Variants in SYN3 observed in about 807,000 individuals in gnomAD.
SYN3 encodes the protein synapsin-3.
SYN3 carries 35 observed loss-of-function variants against 65.8 expected under a neutral mutation model. The ratio of observed to expected loss-of-function variants is 0.53; its 90% CI spans 0.41 to 0.70. The LOEUF (loss-of-function observed/expected upper bound fraction) is 0.70. Among genes scored for constraint, SYN3 ranks in the 30% least tolerant of loss-of-function variants. The probability of loss-of-function intolerance (pLI) is 0.00; values close to 1 mark genes in which losing one functional copy is unlikely to be tolerated. For synonymous variants in SYN3, 270 were observed against 292.9 expected, an observed-to-expected ratio of 0.92 and a Z score of 0.80; for missense variants, 680 against 749.0, an observed-to-expected ratio of 0.91 and a Z score of 1.08.
At chr22:32,883,777 G>A (rs961299684) in intron 4 of SYN3, among the ~76,000 whole-genome samples, 4 of 152,260 alleles carry the variant, frequency 2.6e-5, no homozygotes, top group Admixed American at 2.0e-4. Flanking sequence ...ACCAAGGAAG[G>A]AAAGGGTTTG....
Position 32,509,099 on chromosome 22 carries a change from T to C in SYN3, c.*4593A>G, listed in dbSNP as rs2057663303. ...GGGAACTGATGGAAGAGAAAGGATA[T>C]GCCACTGTTCCTGGAAAGCTGATTT... is the stretch of plus-strand genomic sequence containing the variant. On this transcript the variant is annotated 3_prime_UTR_variant, in exon 14 of 14. Coordinates refer to ENST00000358763, the MANE Select transcript of SYN3 (RefSeq NM_003490.4). 6.6e-6 allele frequency among the ~76,000 whole-genome samples: 1 copy of C among 152,230 alleles called. No individual in the cohort carries two copies. Among genetic ancestry groups the C allele is most frequent in the Admixed American group, 6.5e-5 (1 of 15,286 alleles).
At chr22:32,715,347 T>C (rs948238967) in intron 6 of SYN3, among the ~76,000 whole-genome samples, 5 of 152,228 alleles carry the variant, frequency 3.3e-5, no homozygotes, top group African/African-American at 1.2e-4. Flanking sequence ...CCCAAATGTA[T>C]GGAACCCTTT....
intron 1 of SYN3, among the ~76,000 whole-genome samples, chr22:33,040,903 T>C (rs1308081938): frequency 2.6e-5 from 4 of 152,100 alleles, no homozygotes; most frequent in Admixed American, 2.6e-4. Context: ...CCTTTATAAA[T>C]TGCCCAGTCT....
chr22:32,701,142 C>T (rs1481137032), intron 6 of SYN3, among the ~76,000 whole-genome samples: 3 of 152,190 alleles, frequency 2.0e-5, no homozygotes, highest in South Asian at 2.1e-4. Flanking sequence ...CTAATCTGTT[C>T]TCTGCAGAGT....
At chr22:32,694,564 T>C (rs1384333606) in intron 6 of SYN3, among the ~76,000 whole-genome samples, 1 of 152,210 alleles carries the variant, frequency 6.6e-6, no homozygotes, top group African/African-American at 2.4e-5. Context: ...TGGCCCTCCA[T>C]GTCCCTTAGT....
At chr22:32,664,373 A>G (rs2147025080) in intron 6 of SYN3, among the ~76,000 whole-genome samples, 1 of 152,270 alleles carries the variant, frequency 6.6e-6, no homozygotes, top group South Asian at 2.1e-4. Flanking sequence ...AGTAATAAAT[A>G]GTTTTCAGGG....
At chr22:32,993,376 G>A (rs533710716) in intron 2 of SYN3, among the ~76,000 whole-genome samples, 1 of 152,322 alleles carries the variant, frequency 6.6e-6, no homozygotes, top group South Asian at 2.1e-4. Context: ...TTTGTTTTGA[G>A]ATGGAGTCTT....
At chr22:32,889,066 C>T (rs1200021284) in intron 4 of SYN3, among the ~76,000 whole-genome samples, 1 of 152,222 alleles carries the variant, frequency 6.6e-6, no homozygotes, top group African/African-American at 2.4e-5. Context: ...TGCCAAACAC[C>T]TCTATTTAAA....
rs117095998 is a variant in SYN3 at position 32,571,108 on chromosome 22, C to T, written c.774+25566G>A. ...TGTCCTAAATCATGACCACAGTCCA[C>T]TCCATCTTTAGGGCTTTTGGTGCTA... On this transcript the variant is annotated intron_variant, in intron 7 of 13. Coordinates refer to ENST00000358763, the MANE Select transcript of SYN3 (RefSeq NM_003490.4). Among the ~76,000 whole-genome samples, 18 of 152,264 alleles carry T rather than the reference C, an allele frequency of 1.2e-4. No homozygotes were observed. In the East Asian group the frequency reaches 3.5e-3, roughly 29 times the overall value.
At chr22:32,885,468 T>C (rs1392723329) in intron 4 of SYN3, among the ~76,000 whole-genome samples, 1 of 152,132 alleles carries the variant, frequency 6.6e-6, no homozygotes, top group East Asian at 1.9e-4. Context: ...AAGAGTCTCT[T>C]TCTTGTGTCG....
Position 32,857,260 on chromosome 22 carries a change from C to T in SYN3, c.711+7655G>A, listed in dbSNP as rs752346816. ...CCTTTTGCCCACAGATGTACCGAGG[C>T]TTCACCAAGATGCCCCATGTGCAGT... On this transcript the variant is annotated intron_variant, in intron 6 of 13. Coordinates refer to ENST00000358763, the MANE Select transcript of SYN3 (RefSeq NM_003490.4). The T allele has an allele frequency of 3.1e-6, 5 of 1,613,948 alleles. No homozygotes were observed. Among genetic ancestry groups the T allele is most frequent in the Non-Finnish European group, 4.2e-6 (5 of 1,179,862 alleles).
At chr22:32,574,451 C>T (rs1013107439) in intron 7 of SYN3, among the ~76,000 whole-genome samples, 1 of 152,112 alleles carries the variant, frequency 6.6e-6, no homozygotes, top group Non-Finnish European at 1.5e-5. Context: ...TGTACTCCAG[C>T]CTGGGCACCA....
At chr22:32,535,446 T>A (rs889287915) in intron 9 of SYN3, among the ~76,000 whole-genome samples, 2 of 152,206 alleles carry the variant, frequency 1.3e-5, no homozygotes, top group Non-Finnish European at 2.9e-5. Flanking sequence ...TTCATGTGAT[T>A]CTGATACGTG....
intron 1 of SYN3, among the ~76,000 whole-genome samples, chr22:33,036,332 A>G (rs1476152407): frequency 6.6e-6 from 1 of 152,168 alleles, no homozygotes; most frequent in Non-Finnish European, 1.5e-5. Flanking sequence ...GCTATCCCAA[A>G]ATATACCACT....
At chr22:33,041,264 A>G (rs1171327453) in intron 1 of SYN3, among the ~76,000 whole-genome samples, 1 of 149,130 alleles carries the variant, frequency 6.7e-6, no homozygotes, top group Admixed American at 6.7e-5. Context: ...TACAATGTCC[A>G]AAGCTCCCAT....
At chr22:32,518,590 A>T in intron 12 of SYN3, 1 of 619,352 alleles carries the variant, frequency 1.6e-6, no homozygotes, top group Non-Finnish European at 3.0e-6. Context: ...TGTTGATAAC[A>T]TATGCTAAAT....
At chr22:32,644,810 A>G (rs1331952277) in intron 6 of SYN3, among the ~76,000 whole-genome samples, 1 of 152,064 alleles carries the variant, frequency 6.6e-6, no homozygotes, top group Non-Finnish European at 1.5e-5. Flanking sequence ...GGGGCCTCCC[A>G]GTGCTGTGGC....
intron 3 of SYN3, among the ~76,000 whole-genome samples, chr22:32,955,553 T>C (rs965897274): frequency 1.3e-5 from 2 of 152,184 alleles, no homozygotes; most frequent in African/African-American, 4.8e-5. Flanking sequence ...ATAAAATTTA[T>C]CATTTTAATC....
At chr22:32,690,162 C>A (rs948699995) in intron 6 of SYN3, among the ~76,000 whole-genome samples, 1 of 151,890 alleles carries the variant, frequency 6.6e-6, no homozygotes, top group Non-Finnish European at 1.5e-5. Context: ...GCCAACAGAG[C>A]GAGACTGTCT....
Sources: allele counts gnomAD v4.1 joint callset (sites outside exome capture counted in the v4.1 genomes callset), GRCh38; gene constraint gnomAD v4.1.1; transcripts MANE v1.5; gene names NCBI Gene and HGNC (gene_info 2026-07-23, HGNC 2026-07-21).